The following GALK2 variants were observed in gnomAD, a reference collection of about 807,000 sequenced individuals.
GALK2 encodes galactokinase 2, also known as N-acetylgalactosamine kinase.
A neutral mutation model predicts 52.4 loss-of-function variants in GALK2; 36 were observed. The ratio of observed to expected loss-of-function variants is 0.69; its 90% CI spans 0.53 to 0.91. GALK2 has a LOEUF of 0.91. Among genes scored for constraint, GALK2 ranks in the 40% least tolerant of loss-of-function variants. The pLI is 0.00. For synonymous variants in GALK2, 176 were observed against 199.1 expected, an observed-to-expected ratio of 0.88 and a Z score of 0.98; for missense variants, 579 against 559.1, an observed-to-expected ratio of 1.04 and a Z score of -0.36.
At chr15:49,324,056 G>A (rs892922510) in intron 9 of GALK2, among the ~76,000 whole-genome samples, 4 of 152,324 alleles carry the variant, frequency 2.6e-5, no homozygotes, top group African/African-American at 9.6e-5. Flanking sequence ...AGTTATATGT[G>A]AGACAGCTCA....
At chr15:49,238,626 A>G (rs3105858) in intron 4 of GALK2, among the ~76,000 whole-genome samples, 89,728 of 151,980 alleles carry the variant, frequency 0.59, 26,638 homozygotes, top group Middle Eastern at 0.67. Flanking sequence ...TCGTCTCCCT[A>G]TGTGTCATCT....
At chr15:49,257,975 A>T (rs543502210) in intron 5 of GALK2, among the ~76,000 whole-genome samples, 3 of 150,352 alleles carry the variant, frequency 2.0e-5, no homozygotes, top group Non-Finnish European at 3.0e-5. Context: ...ATAACATTTT[A>T]TTTAATTAGA....
chr15:49,204,063 C>T (rs151284026), intron 2 of GALK2, among the ~76,000 whole-genome samples: 8,882 of 147,000 alleles, frequency 0.06, 524 homozygotes, highest in African/African-American at 0.15. Context: ...TGCAGTGAGC[C>T]GAGATCAAAC....
chr15:49,296,662 C>A (rs374154506), intron 8 of GALK2, among the ~76,000 whole-genome samples: 2 of 151,618 alleles, frequency 1.3e-5, no homozygotes, highest in Admixed American at 1.3e-4. Flanking sequence ...TGCAGTGATG[C>A]GATCTTGGCT....
chr15:49,235,894 A>G lies in GALK2; in HGVS notation c.310A>G (p.Lys104Glu). The G allele has an allele frequency of 6.2e-7, 1 of 1,613,878 alleles. No homozygotes were observed. The highest frequency in any genetic ancestry group is 8.5e-7 in the Non-Finnish European group (1 of 1,179,754). ...TAATAACATCCAGATTGATAAAACCAAGCCTTTGTGGCACAACTATTTCTT... is the reference window on the plus strand; with the variant it reads ...TAATAACATCCAGATTGATAAAACCGAGCCTTTGTGGCACAACTATTTCTT... ...SANNIQIDKT[K>E]PLWHNYFLCG... Residue 104 changes from lysine (K) to glutamate (E), a missense_variant, in exon 4 of 10, where the codon AAG (lysine) becomes GAG (glutamate). Lys to Glu is a moderately conservative substitution (Grantham distance 56). Transcript: ENST00000560031.
At chr15:49,244,697 T>C (rs2091262499) in intron 5 of GALK2, among the ~76,000 whole-genome samples, 1 of 151,884 alleles carries the variant, frequency 6.6e-6, no homozygotes, top group African/African-American at 2.4e-5. Flanking sequence ...ATCCAATATA[T>C]GAGAGAGGAG....
chr15:49,156,699 A>G (rs1372144266), intron 1 of GALK2: 2 of 525,292 alleles, frequency 3.8e-6, no homozygotes, highest in Admixed American at 4.4e-5. Context: ...TTCAATAATC[A>G]TAAACTTTAT....
At chr15:49,177,073 T>A (rs1384519773) in intron 1 of GALK2, among the ~76,000 whole-genome samples, 1 of 152,046 alleles carries the variant, frequency 6.6e-6, no homozygotes, top group Non-Finnish European at 1.5e-5. Context: ...TTAAAATTTA[T>A]GTTTGTCTAT....
chr15:49,238,943 G>A (rs2141498787), intron 4 of GALK2, among the ~76,000 whole-genome samples: 1 of 151,912 alleles, frequency 6.6e-6, no homozygotes, highest in Middle Eastern at 3.4e-3. Flanking sequence ...AACATTCAAG[G>A]CAATTTTATA....
At chr15:49,334,601 G>A (rs1399320138), downstream of GALK2, among the ~76,000 whole-genome samples, 1 of 152,156 alleles carries the variant, frequency 6.6e-6, no homozygotes, top group Non-Finnish European at 1.5e-5. Flanking sequence ...GGATATGTGT[G>A]TGTGGACGTA....
At chr15:49,226,109 A>C (rs941454712) in intron 3 of GALK2, among the ~76,000 whole-genome samples, 1 of 152,158 alleles carries the variant, frequency 6.6e-6, no homozygotes, top group East Asian at 1.9e-4. Context: ...ATGGGCACCT[A>C]TGGCTGTATT....
chr15:49,331,887 T>C (rs759481369), downstream of GALK2: 9 of 1,232,886 alleles, frequency 7.3e-6, no homozygotes, highest in Admixed American at 5.1e-5. Flanking sequence ...ACCAAACTAA[T>C]TGTCCTTATA....
At chr15:49,240,946 T>C (rs2091063797) in intron 5 of GALK2, among the ~76,000 whole-genome samples, 1 of 152,168 alleles carries the variant, frequency 6.6e-6, no homozygotes, top group African/African-American at 2.4e-5. Context: ...GGAGGTGATT[T>C]GGTTTAGAGT....
intron 1 of GALK2, among the ~76,000 whole-genome samples, chr15:49,160,675 G>A (rs8042734): frequency 4.6e-5 from 7 of 151,988 alleles, no homozygotes; most frequent in South Asian, 2.1e-4. Flanking sequence ...CCATCCTGGC[G>A]AACATGGTGA....
chr15:49,189,011 A>C lies in GALK2; in HGVS notation c.54-12151A>C, dbSNP rs2086547392. Among the ~76,000 whole-genome samples, 5 of 152,192 alleles carry C rather than the reference A, an allele frequency of 3.3e-5. No individual in the cohort carries two copies. In the South Asian group the frequency reaches 1.0e-3, roughly 31 times the overall value. ...CTTTTTCTTGTAAGGGTTAAAACAG[A>C]GGGGACTTCCTTACCATGCAGGCTA... On this transcript the variant is annotated intron_variant, in intron 1 of 9. Coordinates refer to ENST00000560031, the MANE Select transcript of GALK2 (RefSeq NM_002044.4).
intron 1 of GALK2, among the ~76,000 whole-genome samples, chr15:49,197,637 A>T (rs2087353269): frequency 6.6e-6 from 1 of 152,120 alleles, no homozygotes; most frequent in Admixed American, 6.5e-5. Flanking sequence ...TAAATGTGGA[A>T]TTTTCCACTT....
intron 6 of GALK2, among the ~76,000 whole-genome samples, 157 bp downstream of exon 6, chr15:49,282,242 G>A (rs1396550047): frequency 1.3e-5 from 2 of 152,136 alleles, no homozygotes; most frequent in Non-Finnish European, 1.5e-5. Context: ...TGTAACTCAA[G>A]GCTGCCACCA....
chr15:49,308,178 C>T (rs1475237682), intron 8 of GALK2, among the ~76,000 whole-genome samples: 1 of 152,164 alleles, frequency 6.6e-6, no homozygotes, highest in South Asian at 2.1e-4. Context: ...TATGACTTCA[C>T]TGCAAAGGGA....
rs1414709803 is a variant in GALK2 at position 49,328,547 on chromosome 15, A to G, written c.*388A>G. The G allele has an allele frequency of 6.2e-7, 1 of 1,607,222 alleles. No individual in the cohort carries two copies. The highest frequency in any genetic ancestry group is 1.7e-5 in the Admixed American group (1 of 59,428). ...TGAATTGTATGCATTATTCTTGAATAGAGTTCATTTCTGGTTTCTCTTAGT... is the reference window on the plus strand; with the variant it reads ...TGAATTGTATGCATTATTCTTGAATGGAGTTCATTTCTGGTTTCTCTTAGT... On this transcript the variant is annotated 3_prime_UTR_variant, in exon 10 of 10. Coordinates refer to ENST00000560031, the MANE Select transcript of GALK2 (RefSeq NM_002044.4).
Sources: allele counts gnomAD v4.1 joint callset (sites outside exome capture counted in the v4.1 genomes callset), GRCh38; gene constraint gnomAD v4.1.1; transcripts MANE v1.5; gene names NCBI Gene and HGNC (gene_info 2026-07-23, HGNC 2026-07-21).